The following PHRF1 variants were observed in gnomAD, a reference collection of about 807,000 sequenced individuals.
The protein encoded by PHRF1 is PHD and ring finger domains 1, also known as PHD and RING finger domain-containing protein 1.
In PHRF1, 53 loss-of-function variants were observed where a neutral mutation model predicts 128.9. That is an observed-to-expected ratio of 0.41 (90% CI 0.33 to 0.52). PHRF1 has a LOEUF of 0.52. Ranked by LOEUF, PHRF1 falls within the 20% of genes least tolerant of loss-of-function variation. The pLI is 0.21. For missense variants in PHRF1, 2,503 were observed against 2,284.5 expected, an observed-to-expected ratio of 1.10 and a Z score of -1.95; for synonymous variants, 1,178 against 980.6, an observed-to-expected ratio of 1.20 and a Z score of -3.76.
chr11:603,786 G>A (rs1855789026), intron 10 of PHRF1, among the ~76,000 whole-genome samples: 1 of 128,192 alleles, frequency 7.8e-6, no homozygotes, highest in Non-Finnish European at 1.6e-5. Context: ...TGAGGCTGGA[G>A]TGCAGTAGTA....
At chr11:592,278 T>C (rs763507390) in intron 5 of PHRF1, among the ~76,000 whole-genome samples, 1 of 150,774 alleles carries the variant, frequency 6.6e-6, no homozygotes, top group Non-Finnish European at 1.5e-5. Flanking sequence ...ACCTGCTGCC[T>C]CGCCCTACTG....
chr11:607,726 G>A lies in PHRF1; in HGVS notation c.2270G>A (p.Gly757Asp), dbSNP rs1295551855. 1.9e-6 allele frequency: 3 copies of A among 1,611,880 alleles called. No homozygotes were observed. The highest frequency in any genetic ancestry group is 2.2e-5 in the East Asian group (1 of 44,870). ...CGGCCCCCAGCCCCCAGCTCCCATGGCAGTTTGGCCCCACTGGGACCATCA... is the reference window on the plus strand; with the variant it reads ...CGGCCCCCAGCCCCCAGCTCCCATGACAGTTTGGCCCCACTGGGACCATCA... Reference protein sequence around the residue: ...SSRPPAPSSHGSLAPLGPSRG... With the variant: ...SSRPPAPSSHDSLAPLGPSRG... The change falls in exon 14 of 18, where the codon GGC (glycine) becomes GAC (aspartate). Residue 757 changes from glycine (G) to aspartate (D), a missense_variant. Transcript: ENST00000264555.
rs971290973 is a variant in PHRF1 at position 608,309 on chromosome 11, C to T, written c.2853C>T (p.Thr951=). ...WDEEDGASCS[T]FFGSEERTVT... is the part of the protein sequence containing the mutation. ...AGGAGGATGGGGCGTCTTGCAGCAC[C>T]TTCTTTGGCTCTGAGGAGCGGACGG... The change falls in exon 14 of 18, where the codon ACC becomes ACT. Residue 951 remains threonine, a synonymous_variant. Coordinates refer to ENST00000264555, the MANE Select transcript of PHRF1 (RefSeq NM_001286581.2). 9 of 1,609,748 alleles carry T rather than the reference C, an allele frequency of 5.6e-6. No homozygotes were observed. Among genetic ancestry groups the T allele is most frequent in the South Asian group, 2.2e-5 (2 of 90,836 alleles).
Position 607,701 on chromosome 11 carries a change from C to T in PHRF1, c.2245C>T (p.Arg749Trp), listed in dbSNP as rs747280133. The T allele has an allele frequency of 5.0e-5, 81 of 1,610,124 alleles. No homozygotes were observed. The Middle Eastern group carries it at 6.6e-4, about 13-fold the overall frequency. Residue 749 changes from arginine to tryptophan, a missense_variant, in exon 14 of 18, where the codon CGG becomes TGG. Transcript: ENST00000264555. ...REPGVHTGSSRPPAPSSHGSL... is the reference protein window; with the variant it reads ...REPGVHTGSSWPPAPSSHGSL... ...GCCCGGGGTGCACACGGGCAGCTCCCGGCCCCCAGCCCCCAGCTCCCATGG... is the reference window on the plus strand; with the variant it reads ...GCCCGGGGTGCACACGGGCAGCTCCTGGCCCCCAGCCCCCAGCTCCCATGG...
intron 3 of PHRF1, among the ~76,000 whole-genome samples, chr11:584,938 A>G (rs1854439201): frequency 6.6e-6 from 1 of 152,050 alleles, no homozygotes. Context: ...GGGTTTCACC[A>G]TGTTGGCCAG....
At chr11:588,846 T>G (rs1854749211) in intron 4 of PHRF1, among the ~76,000 whole-genome samples, 1 of 152,076 alleles carries the variant, frequency 6.6e-6, no homozygotes, top group Admixed American at 6.6e-5. Context: ...TATAGAAATC[T>G]TACAAATGGA....
chr11:600,235 G>T (rs1855546290), intron 9 of PHRF1, among the ~76,000 whole-genome samples: 1 of 151,382 alleles, frequency 6.6e-6, no homozygotes, highest in African/African-American at 2.4e-5. Context: ...TCCCCGATAG[G>T]AACACATTAT....
chr11:592,685 G>T lies in PHRF1; in HGVS notation c.620+11G>T. 1.2e-6 allele frequency: 2 copies of T among 1,613,770 alleles called. No individual in the cohort carries two copies. The highest frequency in any genetic ancestry group is 1.7e-5 in the Admixed American group (1 of 60,036). On this transcript the variant is annotated intron_variant, in intron 6 of 17. Transcript: ENST00000264555. Reference sequence around the variant, plus strand: ...CGGCTGCGATGCGGGGTAAGGGACGGTTGGGACTGGCACACGTGCCCTGCT... The same window carrying T: ...CGGCTGCGATGCGGGGTAAGGGACGTTTGGGACTGGCACACGTGCCCTGCT...
chr11:588,067 G>A (rs114519602), intron 4 of PHRF1, among the ~76,000 whole-genome samples: 2,393 of 152,186 alleles, frequency 0.016, 62 homozygotes, highest in African/African-American at 0.055. Context: ...CTGTACTCAG[G>A]GCTCAGCTCC....
chr11:599,375 C>G (rs1244060060), intron 9 of PHRF1, among the ~76,000 whole-genome samples: 1 of 151,244 alleles, frequency 6.6e-6, no homozygotes, highest in Non-Finnish European at 1.5e-5. Flanking sequence ...CTCAGCCTCC[C>G]AAGTAGCTGG....
chr11:610,578 G>A lies in PHRF1; in HGVS notation c.4494G>A (p.Thr1498=), dbSNP rs377634592. 700 of 1,606,268 alleles carry A rather than the reference G, an allele frequency of 4.4e-4. 1 individual carries two copies. The highest frequency in any genetic ancestry group is 5.3e-4 in the Non-Finnish European group (631 of 1,179,760). The change falls in exon 16 of 18, where the codon ACG becomes ACA. Residue 1498 remains threonine, a synonymous_variant. Coordinates refer to ENST00000264555, the MANE Select transcript of PHRF1 (RefSeq NM_001286581.2). ...CCTGCGCACTGGTCAGCCAGCCCACGGTCCAGTTCATCCTTCAGGGGAGCC... is the reference window on the plus strand; with the variant it reads ...CCTGCGCACTGGTCAGCCAGCCCACAGTCCAGTTCATCCTTCAGGGGAGCC... ...IPPCALVSQP[T]VQFILQGSLP...
At chr11:586,513 G>A (rs1176794871) in intron 3 of PHRF1, among the ~76,000 whole-genome samples, 1 of 152,218 alleles carries the variant, frequency 6.6e-6, no homozygotes, top group Admixed American at 6.5e-5. Flanking sequence ...AGGGTTTCGG[G>A]CCTAGGAGGA....
chr11:594,677 G>A (rs569789603), intron 6 of PHRF1, among the ~76,000 whole-genome samples: 2 of 152,304 alleles, frequency 1.3e-5, no homozygotes, highest in Admixed American at 1.3e-4. Context: ...GGCCAGACTG[G>A]TGTGGAACTC....
rs1855315815 is a variant in PHRF1, at chr11:596,984, C to T, written c.682C>T (p.Pro228Ser). ...GGTGCCGGTGGACGAGTGGTTCTGC[C>T]CGGAATGTGCTGCGCCTGGTGTTGT... ...QEVPVDEWFC[P>S]ECAAPGVVLA... Residue 228 changes from proline to serine, a missense_variant, in exon 7 of 18, where the codon CCG becomes TCG. Coordinates refer to ENST00000264555, the MANE Select transcript of PHRF1 (RefSeq NM_001286581.2). 3 of 1,613,808 alleles carry T rather than the reference C, an allele frequency of 1.9e-6. No homozygotes were observed. Among genetic ancestry groups the T allele is most frequent in the Non-Finnish European group, 1.7e-6 (2 of 1,179,868 alleles).
intron 9 of PHRF1, among the ~76,000 whole-genome samples, chr11:600,924 C>T (rs965012915): frequency 6.6e-6 from 1 of 152,160 alleles, no homozygotes; most frequent in African/African-American, 2.4e-5. Context: ...TGAGATCACG[C>T]CACTGCATTC....
chr11:611,212 G>T lies in PHRF1; in HGVS notation c.4806+130G>T, dbSNP rs1856373834. The T allele has an allele frequency of 4.1e-5, 59 of 1,432,918 alleles. 1 individual carries two copies. In the South Asian group the frequency reaches 7.2e-4, roughly 17 times the overall value. 88.8% of individuals were successfully genotyped at this position (1,432,918 alleles called of 1,614,324 possible). The stretch of plus-strand genomic sequence containing the variant: ...GTCAGCCAGCCAGGTTAGGGGTCAG[G>T]GGGCTGTATTGCCACATCCTGTAGG... On this transcript the variant is annotated intron_variant, in intron 17 of 17. Coordinates refer to ENST00000264555, the MANE Select transcript of PHRF1 (RefSeq NM_001286581.2).
intron 6 of PHRF1, among the ~76,000 whole-genome samples, chr11:596,470 A>G (rs573312781): frequency 6.6e-6 from 1 of 152,324 alleles, no homozygotes; most frequent in East Asian, 1.9e-4. Flanking sequence ...CACCTACCGC[A>G]GGAGCTCAGT....
chr11:580,877 C>T (rs537066114), intron 1 of PHRF1, among the ~76,000 whole-genome samples: 2 of 152,042 alleles, frequency 1.3e-5, no homozygotes, highest in South Asian at 2.1e-4. Flanking sequence ...TTAGTAGAGA[C>T]GGGGTTTCAT....
At chr11:587,517 T>A in intron 4 of PHRF1, 53 bp downstream of exon 4, 1 of 1,567,834 alleles carries the variant, frequency 6.4e-7, no homozygotes, top group Non-Finnish European at 8.8e-7. Flanking sequence ...CCTCCCTGTT[T>A]ATAGGTGACC....
Sources: allele counts gnomAD v4.1 joint callset (sites outside exome capture counted in the v4.1 genomes callset), GRCh38; gene constraint gnomAD v4.1.1; transcripts MANE v1.5; gene names NCBI Gene and HGNC (gene_info 2026-07-23, HGNC 2026-07-21).